GRIP1: variants seen among roughly 807,000 people sequenced by gnomAD.
GRIP1 encodes glutamate receptor interacting protein 1, also known as glutamate receptor-interacting protein 1.
Under a neutral mutation model 129.9 loss-of-function variants are expected in GRIP1, and 45 were observed. The ratio of observed to expected loss-of-function variants is 0.35; its 90% CI spans 0.27 to 0.44. The LOEUF (loss-of-function observed/expected upper bound fraction) is 0.44. Among genes scored for constraint, GRIP1 ranks in the 20% least tolerant of loss-of-function variants. GRIP1 has a pLI of 1.00. For synonymous variants in GRIP1, 530 were observed against 520.8 expected (o/e 1.02, Z -0.24); for missense variants, 1,196 against 1,396.8 (o/e 0.86, Z 2.29).
chr12:66,470,585 G>A (rs1317822595), intron 7 of GRIP1, among the ~76,000 whole-genome samples: 1 of 152,138 alleles, frequency 6.6e-6, no homozygotes. Context: ...GACATTGTTT[G>A]GCTCTAGGAG....
chr12:66,522,322 G>A (rs949652009), intron 5 of GRIP1, among the ~76,000 whole-genome samples: 1 of 152,140 alleles, frequency 6.6e-6, no homozygotes, highest in African/African-American at 2.4e-5. Flanking sequence ...GAACGATCAG[G>A]CAGCAGCATT....
intron 1 of GRIP1, among the ~76,000 whole-genome samples, chr12:66,916,196 A>C (rs2041118846): frequency 6.6e-6 from 1 of 152,250 alleles, no homozygotes; most frequent in Non-Finnish European, 1.5e-5. Flanking sequence ...TTTTAAAAAA[A>C]GTTCAAAATT....
chr12:66,355,198 C>T (rs538394055), intron 23 of GRIP1, among the ~76,000 whole-genome samples: 6 of 152,310 alleles, frequency 3.9e-5, no homozygotes, highest in African/African-American at 1.2e-4. Flanking sequence ...TCTTCACACG[C>T]TCATTCCATC....
Position 66,931,912 on chromosome 12 carries a change from G to A in GRIP1, c.58+137138C>T, listed in dbSNP as rs113026884. ...GGCTATGGGTTATGTGCCAATTTTT[G>A]AAGGCTTCTTACAACCAAACAAACA... is the stretch of plus-strand genomic sequence containing the variant. On this transcript the variant is annotated intron_variant, in intron 1 of 1. Coordinates refer to the GRIP1 transcript ENST00000643019. 3.4e-3 allele frequency among the ~76,000 whole-genome samples: 514 copies of A among 152,046 alleles called. 3 individuals carry two copies. The highest frequency in any genetic ancestry group is 0.012 in the African/African-American group (490 of 41,468).
chr12:66,436,128 T>C (rs1000454680), intron 13 of GRIP1, among the ~76,000 whole-genome samples: 2 of 152,210 alleles, frequency 1.3e-5, no homozygotes, highest in African/African-American at 4.8e-5. Flanking sequence ...CTGATTTTGC[T>C]TTATCTTTGT....
chr12:66,665,672 G>C (rs1009526791), intron 1 of GRIP1, among the ~76,000 whole-genome samples: 12 of 152,180 alleles, frequency 7.9e-5, no homozygotes, highest in Non-Finnish European at 1.2e-4. Context: ...GCATTCTACT[G>C]TTAAGGGATA....
intron 8 of GRIP1, among the ~76,000 whole-genome samples, chr12:66,464,002 G>C (rs1378134368): frequency 6.6e-6 from 1 of 152,176 alleles, no homozygotes; most frequent in African/African-American, 2.4e-5. Flanking sequence ...TGGAGATGTA[G>C]ACTGACCACT....
intron 1 of GRIP1, among the ~76,000 whole-genome samples, chr12:67,034,023 G>A (rs1242453007): frequency 6.6e-6 from 1 of 152,170 alleles, no homozygotes; most frequent in Non-Finnish European, 1.5e-5. Context: ...TTTAAAGGCT[G>A]TAAAGAAATG....
chr12:67,049,943 C>A (rs1453203970), intron 1 of GRIP1, among the ~76,000 whole-genome samples: 1 of 143,744 alleles, frequency 7.0e-6, no homozygotes, highest in Non-Finnish European at 1.5e-5. Context: ...ATTGGCATTT[C>A]TTTGCATTTT....
At chr12:66,631,273 C>A (rs2030748560) in intron 1 of GRIP1, among the ~76,000 whole-genome samples, 1 of 152,046 alleles carries the variant, frequency 6.6e-6, no homozygotes, top group Non-Finnish European at 1.5e-5. Context: ...GTAAGCAAAT[C>A]AGGAAAGCTA....
intron 1 of GRIP1, among the ~76,000 whole-genome samples, chr12:67,031,695 A>G (rs1592492414): frequency 6.6e-6 from 1 of 152,234 alleles, no homozygotes; most frequent in East Asian, 1.9e-4. Flanking sequence ...CCTCAGGATT[A>G]TCTTTTATTC....
intron 1 of GRIP1, among the ~76,000 whole-genome samples, chr12:66,670,258 C>T (rs544403947): frequency 1.2e-4 from 18 of 152,266 alleles, no homozygotes; most frequent in Admixed American, 3.9e-4. Context: ...AATAACCTTC[C>T]GCATAAGGGG....
In GRIP1 at chr12:67,044,700, T is replaced by G. The variant is rs76464834; in HGVS notation, c.58+24350A>C. Among the ~76,000 whole-genome samples the G allele has an allele frequency of 9.0e-3, 1,369 of 152,272 alleles. 14 individuals carry two copies. Among genetic ancestry groups the G allele is most frequent in the African/African-American group, 0.031 (1,278 of 41,544 alleles). On this transcript the variant is annotated intron_variant, in intron 1 of 1. Coordinates refer to the GRIP1 transcript ENST00000643019. The stretch of plus-strand genomic sequence containing the variant: ...CTCCTCTAGTGACTGTCATAATGTT[T>G]CCATTTTATAATTTAAACACATTCT...
chr12:66,525,334 G>A (rs2061188351), intron 5 of GRIP1, among the ~76,000 whole-genome samples: 2 of 152,180 alleles, frequency 1.3e-5, no homozygotes, highest in African/African-American at 2.4e-5. Flanking sequence ...TATCCACCAT[G>A]ATCAAGTGGG....
chr12:66,622,167 A>G (rs964996325), intron 1 of GRIP1, among the ~76,000 whole-genome samples: 17 of 152,182 alleles, frequency 1.1e-4, no homozygotes, highest in Admixed American at 1.0e-3. Flanking sequence ...AAATCACTGT[A>G]CTGATTCCAC....
intron 1 of GRIP1, among the ~76,000 whole-genome samples, chr12:66,892,595 T>C (rs1001157999): frequency 7.3e-5 from 11 of 151,540 alleles, no homozygotes; most frequent in African/African-American, 2.7e-4. Flanking sequence ...TATATATATA[T>C]ACACATATAT....
intron 2 of GRIP1, among the ~76,000 whole-genome samples, chr12:66,562,688 T>C (rs1335741901): frequency 6.6e-6 from 1 of 152,110 alleles, no homozygotes. Context: ...CTTTGTTGCA[T>C]GATTATATAT....
chr12:66,392,312 A>T lies in GRIP1; in HGVS notation c.2460T>A (p.Thr820=), dbSNP rs777858404. Residue 820 remains threonine, a synonymous_variant, in exon 19 of 25, where the codon ACT becomes ACA. Coordinates refer to ENST00000359742, the MANE Select transcript of GRIP1 (RefSeq NM_001366722.1). ...GGGGACAAAGTAAAGACATACCTTGAGTTCCATAGCTGGTGTCTATTGCAG... is the reference window on the plus strand; with the variant it reads ...GGGGACAAAGTAAAGACATACCTTGTGTTCCATAGCTGGTGTCTATTGCAG... ...DGSAIDTSYG[T]QGTSFQASGY... 5.7e-6 allele frequency: 9 copies of T among 1,590,118 alleles called. No individual in the cohort carries two copies. Among genetic ancestry groups the T allele is most frequent in the Non-Finnish European group, 6.9e-6 (8 of 1,158,026 alleles).
In GRIP1 at chr12:66,386,354, C is replaced by T. The variant is rs2056356276; in HGVS notation, c.2464+5954G>A. Among the ~76,000 whole-genome samples, 2 of 152,166 alleles carry T rather than the reference C, an allele frequency of 1.3e-5. 1 individual carries two copies. The highest frequency in any genetic ancestry group is 3.8e-4 in the East Asian group (2 of 5,204). ...ATAAAGTTTAGAATTCAATTTTCGG[C>T]CGGGCGCTGTGGCTCACGCCTGTAA... On this transcript the variant is annotated intron_variant, in intron 19 of 24. Coordinates refer to ENST00000359742, the MANE Select transcript of GRIP1 (RefSeq NM_001366722.1).
Sources: allele counts gnomAD v4.1 joint callset (sites outside exome capture counted in the v4.1 genomes callset), GRCh38; gene constraint gnomAD v4.1.1; transcripts MANE v1.5; gene names NCBI Gene and HGNC (gene_info 2026-07-23, HGNC 2026-07-21).